Variants in MAPKAP1 observed in about 807,000 individuals in gnomAD.
The protein encoded by MAPKAP1 is MAPK associated protein 1.
MAPKAP1 carries 20 observed loss-of-function variants against 65.7 expected under a neutral mutation model. The ratio of observed to expected loss-of-function variants is 0.30; its 90% CI spans 0.21 to 0.44. MAPKAP1 has a LOEUF of 0.44. Among genes scored for constraint, MAPKAP1 ranks in the 20% least tolerant of loss-of-function variants. The pLI, the probability that MAPKAP1 is intolerant of heterozygous loss-of-function variation, is 1.00. For missense variants in MAPKAP1, 423 were observed against 648.0 expected, an observed-to-expected ratio of 0.65 and a Z score of 3.77; for synonymous variants, 222 against 244.3, an observed-to-expected ratio of 0.91 and a Z score of 0.85.
intron 9 of MAPKAP1, among the ~76,000 whole-genome samples, chr9:125,480,585 A>C (rs959936460): frequency 4.6e-5 from 7 of 152,216 alleles, no homozygotes; most frequent in Non-Finnish European, 1.0e-4. Context: ...ATCTGGTTTA[A>C]TACTTTCAAG....
chr9:125,475,602 G>T (rs1157700030), intron 9 of MAPKAP1, among the ~76,000 whole-genome samples: 2 of 152,250 alleles, frequency 1.3e-5, no homozygotes, highest in African/African-American at 2.4e-5. Flanking sequence ...ACGCAGAGCA[G>T]CAGTCAGCAC....
intron 1 of MAPKAP1, among the ~76,000 whole-genome samples, chr9:125,700,253 T>G (rs1439121224): frequency 6.6e-6 from 1 of 152,222 alleles, no homozygotes; most frequent in Non-Finnish European, 1.5e-5. Context: ...TCAAACAATT[T>G]TCTACCAATT....
At chr9:125,526,598 C>T (rs72769104) in intron 7 of MAPKAP1, among the ~76,000 whole-genome samples, 16,236 of 152,122 alleles carry the variant, frequency 0.11, 1,141 homozygotes, top group Middle Eastern at 0.2. Flanking sequence ...ATCTGACATC[C>T]AACATGTTGA....
intron 4 of MAPKAP1, among the ~76,000 whole-genome samples, chr9:125,588,050 C>T (rs948039391): frequency 6.6e-6 from 1 of 152,134 alleles, no homozygotes; most frequent in Non-Finnish European, 1.5e-5. Flanking sequence ...TATGACCAAG[C>T]GATTCCATTC....
intron 4 of MAPKAP1, among the ~76,000 whole-genome samples, chr9:125,599,415 T>G (rs1265233188): frequency 3.3e-5 from 5 of 152,152 alleles, no homozygotes; most frequent in Admixed American, 3.3e-4. Flanking sequence ...CTAACCCTCA[T>G]GAAATTTGAA....
intron 4 of MAPKAP1, among the ~76,000 whole-genome samples, chr9:125,628,270 G>A (rs1016224577): frequency 5.9e-5 from 9 of 152,124 alleles, no homozygotes; most frequent in African/African-American, 2.2e-4. Flanking sequence ...CACAAGATAT[G>A]ACAGAAAATG....
At chr9:125,463,117 G>A (rs1405734646) in intron 10 of MAPKAP1, among the ~76,000 whole-genome samples, 1 of 152,204 alleles carries the variant, frequency 6.6e-6, no homozygotes, top group East Asian at 1.9e-4. Flanking sequence ...AACTAGTCAT[G>A]CAGAACCGCT....
intron 4 of MAPKAP1, among the ~76,000 whole-genome samples, chr9:125,625,251 T>TAAAAA (rs1833073598): frequency 9.6e-5 from 1 of 10,468 alleles, no homozygotes; most frequent in African/African-American, 2.3e-4. Flanking sequence ...AAAAAATAAA[T>TAAAAA]AAATAAAAAA....
intron 3 of MAPKAP1, among the ~76,000 whole-genome samples, chr9:125,658,936 C>G (rs1042063482): frequency 1.3e-5 from 2 of 152,054 alleles, no homozygotes; most frequent in African/African-American, 2.4e-5. Context: ...CCGAAAGAGT[C>G]ACTTAGAACT....
At chr9:125,620,310 A>G (rs1414818209) in intron 4 of MAPKAP1, among the ~76,000 whole-genome samples, 2 of 152,180 alleles carry the variant, frequency 1.3e-5, no homozygotes, top group Admixed American at 1.3e-4. Context: ...AAAAAATTAT[A>G]CAGATTCATT....
chr9:125,506,161 T>C (rs894245243), intron 8 of MAPKAP1, 149 bp downstream of exon 8: 9 of 693,110 alleles, frequency 1.3e-5, no homozygotes, highest in Non-Finnish European at 2.1e-5. Flanking sequence ...CTTTGGGATA[T>C]ACTTTGGCAC....
chr9:125,693,806 TACACACACATATAC>T (rs1835294666), intron 1 of MAPKAP1, among the ~76,000 whole-genome samples: 1 of 133,332 alleles, frequency 7.5e-6, no homozygotes, highest in African/African-American at 2.8e-5. Context: ...CACATATATA[TACACACACATATAC>T]ACACACACAC....
intron 10 of MAPKAP1, among the ~76,000 whole-genome samples, chr9:125,458,939 G>A (rs1293188578): frequency 2.8e-5 from 2 of 71,244 alleles, no homozygotes; most frequent in Non-Finnish European, 2.6e-5. Flanking sequence ...CCTCCCGGAC[G>A]GGGTGGCTGC....
At chr9:125,693,840 C>CACACACAA in intron 1 of MAPKAP1, among the ~76,000 whole-genome samples, 1 of 127,214 alleles carries the variant, frequency 7.9e-6, no homozygotes, top group Non-Finnish European at 1.5e-5. Context: ...CATATATATA[C>CACACACAA]ACACATACAC....
intron 8 of MAPKAP1, among the ~76,000 whole-genome samples, chr9:125,498,874 TCTC>T (rs1352255157): frequency 3.3e-5 from 5 of 152,046 alleles, no homozygotes; most frequent in Admixed American, 3.3e-4. Context: ...CCAACATACA[TCTC>T]CTCGAGGGCT....
intron 10 of MAPKAP1, among the ~76,000 whole-genome samples, chr9:125,459,136 G>A (rs939795102): frequency 1.3e-5 from 2 of 148,664 alleles, no homozygotes; most frequent in South Asian, 2.2e-4. Flanking sequence ...CCTCCCAGAC[G>A]GGGTCGCGGC....
At chr9:125,533,621 T>G (rs1334189401) in intron 7 of MAPKAP1, among the ~76,000 whole-genome samples, 3 of 152,136 alleles carry the variant, frequency 2.0e-5, no homozygotes, top group African/African-American at 7.2e-5. Flanking sequence ...TGGCTAATTT[T>G]TGTATTTTTA....
At chr9:125,705,202 G>A (rs1835721227) in intron 1 of MAPKAP1, among the ~76,000 whole-genome samples, 1 of 152,194 alleles carries the variant, frequency 6.6e-6, no homozygotes, top group Admixed American at 6.5e-5. Flanking sequence ...GGGAGATGAT[G>A]TGAGAAAAAG....
chr9:125,615,636 G>A (rs1050765940), intron 4 of MAPKAP1, among the ~76,000 whole-genome samples: 2 of 152,058 alleles, frequency 1.3e-5, no homozygotes, highest in Admixed American at 6.6e-5. Context: ...GTTGAGGCCT[G>A]GCACAGTGGT....
Sources: allele counts gnomAD v4.1 joint callset (sites outside exome capture counted in the v4.1 genomes callset), GRCh38; gene constraint gnomAD v4.1.1; transcripts MANE v1.5; gene names NCBI Gene and HGNC (gene_info 2026-07-23, HGNC 2026-07-21).